SPATA7: variants seen among roughly 807,000 people sequenced by gnomAD.
The protein encoded by SPATA7 is spermatogenesis-associated protein 7.
SPATA7 carries 43 observed loss-of-function variants against 51.8 expected under a neutral mutation model. That is an observed-to-expected ratio of 0.83 (90% CI 0.65 to 1.07). The LOEUF is 1.07. SPATA7 is among the 50% of genes least tolerant of loss of function. The pLI, the probability that SPATA7 is intolerant of heterozygous loss-of-function variation, is 0.00. For synonymous variants in SPATA7, 230 were observed against 252.8 expected (o/e 0.91, Z 0.86); for missense variants, 683 against 701.3 (o/e 0.97, Z 0.30).
intron 4 of SPATA7, among the ~76,000 whole-genome samples, chr14:88,413,304 T>G (rs1425283488): frequency 6.6e-6 from 1 of 152,006 alleles, no homozygotes; most frequent in Non-Finnish European, 1.5e-5. Context: ...TGTGTGTGTG[T>G]AACTATTGTA....
chr14:88,403,056 A>G (rs1010298212), intron 4 of SPATA7, among the ~76,000 whole-genome samples: 1 of 151,992 alleles, frequency 6.6e-6, no homozygotes, highest in African/African-American at 2.4e-5. Flanking sequence ...CAAGTGGCCA[A>G]TAAGTGTATG....
chr14:88,405,881 T>C (rs1382438538), intron 4 of SPATA7, among the ~76,000 whole-genome samples: 1 of 152,230 alleles, frequency 6.6e-6, no homozygotes, highest in Non-Finnish European at 1.5e-5. Flanking sequence ...TGCTTGCACT[T>C]TTTGTTTTTA....
chr14:88,421,984 G>T (rs984392603), intron 5 of SPATA7, among the ~76,000 whole-genome samples: 2 of 152,030 alleles, frequency 1.3e-5, no homozygotes, highest in Admixed American at 1.3e-4. Flanking sequence ...GCAGGACTTG[G>T]TGACTGAGTG....
chr14:88,439,974 TG>T (rs757899879), downstream of SPATA7, among the ~76,000 whole-genome samples: 1 of 152,150 alleles, frequency 6.6e-6, no homozygotes, highest in Non-Finnish European at 1.5e-5. Flanking sequence ...TTAAACCTCC[TG>T]AAATAACCTT....
At chr14:88,429,890 C>CTATTTATTTATTTATTTATTTATTTATT (rs57390600) in intron 8 of SPATA7, among the ~76,000 whole-genome samples, 2 of 143,474 alleles carry the variant, frequency 1.4e-5, no homozygotes, top group Non-Finnish European at 3.0e-5. Context: ...TATGAAGACA[C>CTATTTATTTATTTATTTATTTATTTATT]TATTTATTTA....
intron 3 of SPATA7, among the ~76,000 whole-genome samples, chr14:88,445,593 G>T (rs1317874021): frequency 6.6e-6 from 1 of 150,382 alleles, no homozygotes; most frequent in Non-Finnish European, 1.5e-5. Flanking sequence ...TCCAGTTTTT[G>T]CCCATTCAGT....
rs1175421332 is a variant in SPATA7, at chr14:88,470,329, A to G, written c.*462A>G. On this transcript the variant is annotated 3_prime_UTR_variant, in exon 5 of 5. Coordinates refer to the SPATA7 transcript ENST00000556406. ...CTGAATGTCAGTTCTCATTTATACAATAAAGATACTGCCTACCGTCATAGG... is the reference window on the plus strand; with the variant it reads ...CTGAATGTCAGTTCTCATTTATACAGTAAAGATACTGCCTACCGTCATAGG... The G allele has an allele frequency of 9.8e-6, 4 of 409,464 alleles. No homozygotes were observed. In the East Asian group the frequency reaches 1.5e-4, roughly 16 times the overall value. 25.4% of individuals were successfully genotyped at this position (409,464 alleles called of 1,614,324 possible). A position where few individuals can be genotyped will look rare whatever the true frequency, so the allele number is the denominator to read the frequency against.
At position 88,423,677 on chromosome 14, in the gene SPATA7, T is replaced by A. The variant is rs868054241; in HGVS notation, c.373-2555T>A. Reference sequence around the variant, plus strand: ...GATGTTAGATTTTAAAATAATTTTTTTTTTTTTTTTTTTTTTTTTTTTGAG... The same window carrying A: ...GATGTTAGATTTTAAAATAATTTTTATTTTTTTTTTTTTTTTTTTTTTGAG... On this transcript the variant is annotated intron_variant, in intron 5 of 11. Transcript: ENST00000393545. Among the ~76,000 whole-genome samples the A allele has an allele frequency of 2.0e-3, 4 of 1,980 alleles. 1 individual carries two copies. The highest frequency in any genetic ancestry group is 0.013 in the East Asian group (1 of 80). 1.3% of individuals were successfully genotyped at this position (1,980 alleles called of 152,430 possible).
intron 3 of SPATA7, among the ~76,000 whole-genome samples, chr14:88,446,656 T>C (rs1383331888): frequency 6.6e-6 from 1 of 152,206 alleles, no homozygotes; most frequent in Non-Finnish European, 1.5e-5. Flanking sequence ...CTGCTTTGGA[T>C]GCGTCCCAGA....
At chr14:88,402,286 GAACA>G (rs1252967227) in intron 4 of SPATA7, among the ~76,000 whole-genome samples, 3 of 152,078 alleles carry the variant, frequency 2.0e-5, no homozygotes, top group African/African-American at 7.2e-5. Context: ...TACAGAAATA[GAACA>G]AACAATCGTA....
In SPATA7 at chr14:88,429,514, G is replaced by A. The variant is rs745889685; in HGVS notation, c.1028+51G>A. ...TTCAACTGTCTTTAATTGCCTTCTT[G>A]TATAACAGACATATAGTATTTGCCG... On this transcript the variant is annotated intron_variant, in intron 8 of 11. Transcript: ENST00000393545. The A allele has an allele frequency of 6.9e-6, 8 of 1,166,668 alleles. No individual in the cohort carries two copies. The Admixed American group carries it at 1.4e-4, about 20-fold the overall frequency. 72.3% of individuals were successfully genotyped at this position (1,166,668 alleles called of 1,614,324 possible).
At chr14:88,449,604 G>A (rs1427685239) in intron 3 of SPATA7, among the ~76,000 whole-genome samples, 1 of 152,096 alleles carries the variant, frequency 6.6e-6, no homozygotes, top group Non-Finnish European at 1.5e-5. Context: ...TTGTTCTAGG[G>A]TACAGTTTAA....
At chr14:88,434,414 C>T (rs927061038) in intron 10 of SPATA7, among the ~76,000 whole-genome samples, 22 of 152,260 alleles carry the variant, frequency 1.4e-4, no homozygotes, top group African/African-American at 4.3e-4. Context: ...GGGCTGGGCG[C>T]AGTGGCTCAC....
At chr14:88,399,471 G>A (rs929990680) in intron 4 of SPATA7, among the ~76,000 whole-genome samples, 1 of 152,158 alleles carries the variant, frequency 6.6e-6, no homozygotes, top group Non-Finnish European at 1.5e-5. Context: ...CAGTTTGGTC[G>A]CTACATACAA....
At chr14:88,424,016 T>G (rs2076721222) in intron 5 of SPATA7, among the ~76,000 whole-genome samples, 1 of 152,216 alleles carries the variant, frequency 6.6e-6, no homozygotes, top group South Asian at 2.1e-4. Flanking sequence ...GGTTATTACT[T>G]TACATAAATC....
At chr14:88,413,881 C>T (rs1482710894) in intron 4 of SPATA7, among the ~76,000 whole-genome samples, 1 of 152,066 alleles carries the variant, frequency 6.6e-6, no homozygotes, top group Non-Finnish European at 1.5e-5. Flanking sequence ...TTGAACCAGC[C>T]TTTCATTCCA....
chr14:88,435,801 GT>G (rs2077071011), intron 10 of SPATA7, among the ~76,000 whole-genome samples: 2 of 152,138 alleles, frequency 1.3e-5, no homozygotes, highest in South Asian at 4.1e-4. Flanking sequence ...TGGTGTATAT[GT>G]ACTACGTTTT....
In SPATA7 at chr14:88,416,768, A is replaced by G; in HGVS notation, c.296A>G (p.Glu99Gly). Residue 99 changes from glutamate (E) to glycine (G), a missense_variant, in exon 5 of 12, where the codon GAG (glutamate) becomes GGG (glycine). Physicochemically the swap from Glu to Gly is moderately conservative, Grantham distance 98. Transcript: ENST00000393545. Reference protein sequence around the residue: ...LKKELAQCEKEFKLTKTAMRA... With the variant: ...LKKELAQCEKGFKLTKTAMRA... ...AAGGAATTAGCACAATGTGAAAAAG[A>G]GTTCAAATTAACTAAAACTGCAATG... The G allele has an allele frequency of 1.2e-6, 2 of 1,612,900 alleles. No individual in the cohort carries two copies. The highest frequency in any genetic ancestry group is 1.1e-5 in the South Asian group (1 of 91,026).
downstream of SPATA7, among the ~76,000 whole-genome samples, chr14:88,457,464 G>C (rs76026825): frequency 6.6e-6 from 1 of 151,788 alleles, no homozygotes; most frequent in African/African-American, 2.4e-5. Flanking sequence ...TGGATTCCTA[G>C]GTATTTTATT....
Sources: allele counts gnomAD v4.1 joint callset (sites outside exome capture counted in the v4.1 genomes callset), GRCh38; gene constraint gnomAD v4.1.1; transcripts MANE v1.5; gene names NCBI Gene and HGNC (gene_info 2026-07-23, HGNC 2026-07-21).